Variants in PTCH1 observed in about 807,000 individuals in gnomAD.
PTCH1 encodes patched 1.
In PTCH1, 14 loss-of-function variants were observed where a neutral mutation model predicts 144.6. That is an observed-to-expected ratio of 0.10 (90% confidence interval 0.06 to 0.15). PTCH1 has a LOEUF of 0.15. Among genes scored for constraint, PTCH1 ranks in the 10% least tolerant of loss-of-function variants. The pLI, the probability that PTCH1 is intolerant of heterozygous loss-of-function variation, is 1.00. For missense variants in PTCH1, 1,623 were observed against 1,948.3 expected (o/e 0.83, Z 3.14); for synonymous variants, 833 against 793.6 (o/e 1.05, Z -0.83).
chr9:95,474,450 T>C (rs933141342), intron 12 of PTCH1, among the ~76,000 whole-genome samples: 1 of 152,190 alleles, frequency 6.6e-6, no homozygotes, highest in African/African-American at 2.4e-5. Flanking sequence ...CAGAGAGAGT[T>C]TCCTTGTCCT....
At chr9:95,498,554 A>G (rs993059836) in intron 2 of PTCH1, among the ~76,000 whole-genome samples, 1 of 152,134 alleles carries the variant, frequency 6.6e-6, no homozygotes, top group Non-Finnish European at 1.5e-5. Flanking sequence ...AGGCTCCTAA[A>G]ATCCTCCACC....
intron 15 of PTCH1, among the ~76,000 whole-genome samples, chr9:95,465,484 G>A (rs893398362): frequency 2.6e-5 from 4 of 152,140 alleles, no homozygotes; most frequent in African/African-American, 4.8e-5. Context: ...ATTCACGTTC[G>A]TCTCAGGAGG....
intron 2 of PTCH1, among the ~76,000 whole-genome samples, chr9:95,502,796 C>T (rs1843244038): frequency 6.6e-6 from 1 of 152,146 alleles, no homozygotes; most frequent in African/African-American, 2.4e-5. Context: ...ATGTATTCTG[C>T]CCTCTTTATA....
chr9:95,476,183 T>C lies in PTCH1; in HGVS notation c.1603-24A>G. 1 of 1,604,588 alleles carries C rather than the reference T, an allele frequency of 6.2e-7. No homozygotes were observed. The highest frequency in any genetic ancestry group is 8.5e-7 in the Non-Finnish European group (1 of 1,176,316). On this transcript the variant is annotated intron_variant, in intron 11 of 23. Coordinates refer to ENST00000331920, the MANE Select transcript of PTCH1 (RefSeq NM_000264.5). This position sits in a 1 kb window ranked among gnomAD's most constrained non-coding sequence, Gnocchi z 4.6. The stretch of plus-strand genomic sequence containing the variant: ...TCCTGGGAATAAAAAAACACAGCGC[T>C]GAGAGCTGCACTGGACATGGTCCCC...
upstream of PTCH1, among the ~76,000 whole-genome samples, chr9:95,512,544 T>C (rs1844208087): frequency 6.6e-6 from 1 of 152,188 alleles, no homozygotes. Context: ...TGCCCCCAAT[T>C]TGCCTCATTG....
intron 14 of PTCH1, among the ~76,000 whole-genome samples, chr9:95,467,964 T>C (rs887528812): frequency 2.0e-5 from 3 of 152,036 alleles, no homozygotes; most frequent in Non-Finnish European, 4.4e-5. Context: ...TGGAGTGCAG[T>C]GGCATGATCA....
At position 95,449,085 on chromosome 9, in the gene PTCH1, A is replaced by G. The variant is rs1588516673; in HGVS notation, c.3788T>C (p.Val1263Ala). 1 of 1,614,182 alleles carries G rather than the reference A, an allele frequency of 6.2e-7. No individual in the cohort carries two copies. The highest frequency in any genetic ancestry group is 8.5e-7 in the Non-Finnish European group (1 of 1,180,038). Residue 1263 changes from valine (V) to alanine (A), a missense_variant, in exon 22 of 24, where the codon GTC (valine) becomes GCC (alanine). Physicochemically the swap from Val to Ala is moderately conservative, Grantham distance 64. Around this residue, in one of 7 missense-constraint regions of PTCH1, gnomAD observed 291 missense variants for 287.4 expected, o/e 1.01. Coordinates refer to ENST00000331920, the MANE Select transcript of PTCH1 (RefSeq NM_000264.5). The surrounding 1 kb of genome is among the most constrained non-coding windows in gnomAD (Gnocchi z 5.3). ...GTCACTTACAGTGGAGTGGGCGAAG[A>G]CGGGGTTTTCTGTGGCTTCCACGAT... ...QVIVEATENP[V>A]FAHSTVVHPE... is the part of the protein sequence containing the mutation.
At chr9:95,481,353 A>G (rs1841519938) in intron 5 of PTCH1, among the ~76,000 whole-genome samples, 1 of 152,250 alleles carries the variant, frequency 6.6e-6, no homozygotes. Flanking sequence ...CAATAACCCA[A>G]GCTCTCACTC....
intron 7 of PTCH1, among the ~76,000 whole-genome samples, chr9:95,479,435 G>A (rs1841357926): frequency 6.6e-6 from 1 of 152,166 alleles, no homozygotes; most frequent in Non-Finnish European, 1.5e-5. Context: ...GGGGAGAGGA[G>A]CAGATAGCTT....
At chr9:95,505,514 A>G (rs1409449903) in intron 2 of PTCH1, among the ~76,000 whole-genome samples, 1 of 152,174 alleles carries the variant, frequency 6.6e-6, no homozygotes, top group Admixed American at 6.5e-5. Context: ...ATATATATCT[A>G]TTTTAAATCT....
chr9:95,457,635 T>G (rs1839055875), intron 18 of PTCH1, among the ~76,000 whole-genome samples: 1 of 152,204 alleles, frequency 6.6e-6, no homozygotes, highest in South Asian at 2.1e-4. Flanking sequence ...TCATGTTAAA[T>G]GCAGAAGAAC....
intron 15 of PTCH1, 147 bp downstream of exon 15, chr9:95,466,969 T>C (rs1189938745): frequency 9.2e-6 from 8 of 873,490 alleles, no homozygotes; most frequent in African/African-American, 6.9e-5. Context: ...AAACAGTTCA[T>C]GTAAGAATCT....
At chr9:95,503,272 T>G (rs140544551) in intron 2 of PTCH1, 6 of 152,216 alleles carry the variant, frequency 3.9e-5, no homozygotes, top group Non-Finnish European at 1.5e-5. Flanking sequence ...ATGCACAAAA[T>G]GAACTTAAAT....
intron 12 of PTCH1, among the ~76,000 whole-genome samples, chr9:95,475,679 T>C (rs917160062): frequency 5.3e-5 from 8 of 151,954 alleles, no homozygotes; most frequent in African/African-American, 1.9e-4. Context: ...GAGTGGTGTT[T>C]GGAAGCAGGG....
intron 18 of PTCH1, 83 bp downstream of exon 18, chr9:95,457,930 G>A: frequency 6.4e-7 from 1 of 1,558,712 alleles, no homozygotes; most frequent in Non-Finnish European, 8.8e-7. Flanking sequence ...CAGAGGCCCA[G>A]ACATAAACAA....
chr9:95,445,594 G>A lies in PTCH1; in HGVS notation c.*799C>T, dbSNP rs911703329. The A allele has an allele frequency of 1.3e-5, 2 of 152,244 alleles. No individual in the cohort carries two copies. Among genetic ancestry groups the A allele is most frequent in the Admixed American group, 1.3e-4 (2 of 15,288 alleles). The allele number at this position is 152,244 out of a possible 1,614,324, so 9.4% of individuals were successfully genotyped here. A position where few individuals can be genotyped will look rare whatever the true frequency, so the allele number is the denominator to read the frequency against. Reference sequence around the variant, plus strand: ...ACGAGGAGAGTCTAGCTTTTGCCGGGCTGATTTGAAAGGATTAGGTGGATG... The same window carrying A: ...ACGAGGAGAGTCTAGCTTTTGCCGGACTGATTTGAAAGGATTAGGTGGATG... On this transcript the variant is annotated 3_prime_UTR_variant, in exon 24 of 24. Coordinates refer to ENST00000331920, the MANE Select transcript of PTCH1 (RefSeq NM_000264.5).
In PTCH1 at chr9:95,446,346, G is replaced by A. The variant is rs774171552; in HGVS notation, c.*47C>T. Reference sequence around the variant, plus strand: ...AGCAGTTCTGGAAAGAGGTGGGGGTGGGGGGTTTCCAATCTTTGGCCTCTT... The same window carrying A: ...AGCAGTTCTGGAAAGAGGTGGGGGTAGGGGGTTTCCAATCTTTGGCCTCTT... On this transcript the variant is annotated 3_prime_UTR_variant, in exon 24 of 24. Transcript: ENST00000331920. The A allele has an allele frequency of 1.9e-6, 1 of 517,844 alleles. No homozygotes were observed. The highest frequency in any genetic ancestry group is 3.9e-6 in the Non-Finnish European group (1 of 259,422). 32.1% of individuals were successfully genotyped at this position (517,844 alleles called of 1,614,324 possible). A position where few individuals can be genotyped will look rare whatever the true frequency, so the allele number is the denominator to read the frequency against.
chr9:95,462,007 G>A lies in PTCH1; in HGVS notation c.2561-9C>T, dbSNP rs2136690180. The A allele has an allele frequency of 6.2e-7, 1 of 1,614,182 alleles. No homozygotes were observed. On this transcript the variant is annotated splice_polypyrimidine_tract_variant and intron_variant, in intron 15 of 23. Transcript: ENST00000331920. ...AAATGCATCCTGAAGTCCTAGAAAT[G>A]GCAAATGATTGTAACACATTATAAC...
chr9:95,453,871 C>T (rs911455522), intron 19 of PTCH1, among the ~76,000 whole-genome samples: 48 of 152,170 alleles, frequency 3.2e-4, no homozygotes, highest in African/African-American at 1.1e-3. Flanking sequence ...TAAAAATGGA[C>T]AGAAATGTCC....
Sources: allele counts gnomAD v4.1 joint callset (sites outside exome capture counted in the v4.1 genomes callset), GRCh38; gene constraint gnomAD v4.1.1; regional missense constraint gnomAD v4.1.1; non-coding constraint Gnocchi (gnomAD v3.1); transcripts MANE v1.5; gene names NCBI Gene and HGNC (gene_info 2026-07-23, HGNC 2026-07-21).